The following XYLB variants were observed in gnomAD, a reference collection of about 807,000 sequenced individuals.
XYLB encodes the protein xylulose kinase.
In XYLB, 62 loss-of-function variants were observed where a neutral mutation model predicts 78.7. The observed-to-expected ratio is 0.79, with a 90% CI of 0.64 to 0.97. The LOEUF (loss-of-function observed/expected upper bound fraction) is 0.97, where lower values mean the gene tolerates loss of function less well. XYLB is among the 50% of genes least tolerant of loss of function. The pLI is 0.00. For synonymous variants in XYLB, 245 were observed against 247.4 expected (o/e 0.99, Z 0.09); for missense variants, 687 against 676.8 (o/e 1.02, Z -0.17).
In XYLB at chr3:38,360,509, T is replaced by C. The variant is rs536744168; in HGVS notation, c.210+101T>C. On this transcript the variant is annotated intron_variant, in intron 3 of 18. Transcript: ENST00000207870. ...CCAAAGGTGGCAGCCAATGAGAGCA[T>C]CTGTTGTCACCAGGTCCTCATGGGA... is the stretch of plus-strand genomic sequence containing the variant. 2.2e-4 allele frequency: 236 copies of C among 1,068,608 alleles called. 1 individual carries two copies. The highest frequency in any genetic ancestry group is 2.9e-4 in the Non-Finnish European group (212 of 730,506). 66.2% of individuals were successfully genotyped at this position (1,068,608 alleles called of 1,614,324 possible).
chr3:38,376,210 G>C lies in XYLB; in HGVS notation c.1098G>C (p.Glu366Asp). The change falls in exon 13 of 19, where the codon GAG becomes GAC. Residue 366 changes from glutamate (E) to aspartate (D), a missense_variant. By Grantham distance (45) the Glu-to-Asp change is conservative. Coordinates refer to ENST00000207870, the MANE Select transcript of XYLB (RefSeq NM_005108.4). ...TCTCTAAGGCACTGCAGTCCACAGA[G>C]ATGGGCAACGGTGGAAACCTGGGTA... is the stretch of plus-strand genomic sequence containing the variant. Reference protein sequence around the residue: ...SDFSKALQSTEMGNGGNLGFY... With the variant: ...SDFSKALQSTDMGNGGNLGFY... 1.2e-6 allele frequency: 2 copies of C among 1,613,702 alleles called. No homozygotes were observed. Among genetic ancestry groups the C allele is most frequent in the Non-Finnish European group, 1.7e-6 (2 of 1,179,558 alleles).
chr3:38,373,471 A>T, intron 10 of XYLB, among the ~76,000 whole-genome samples: 1 of 152,212 alleles, frequency 6.6e-6, no homozygotes, highest in South Asian at 2.1e-4. Flanking sequence ...ATAAATAAGC[A>T]TTGTTTCTTT....
the XYLB span, among the ~76,000 whole-genome samples, chr3:38,438,893 C>G: frequency 2.0e-5 from 3 of 152,158 alleles, no homozygotes; most frequent in South Asian, 6.2e-4. Context: ...TTTTACAAAC[C>G]TCTAGCTAGC....
At chr3:38,396,351 A>C (rs897849176) in intron 16 of XYLB, among the ~76,000 whole-genome samples, 1 of 152,204 alleles carries the variant, frequency 6.6e-6, no homozygotes, top group Non-Finnish European at 1.5e-5. Context: ...AACATGAATT[A>C]TACCACAGAG....
chr3:38,379,975 C>G (rs1707068660), intron 15 of XYLB, among the ~76,000 whole-genome samples: 1 of 152,182 alleles, frequency 6.6e-6, no homozygotes. Flanking sequence ...GTAGGGCTCT[C>G]TGCAGAGTCC....
At chr3:38,433,044 C>T in the XYLB span, among the ~76,000 whole-genome samples, 1 of 152,244 alleles carries the variant, frequency 6.6e-6, no homozygotes, top group Non-Finnish European at 1.5e-5. Flanking sequence ...GGGCTCCGTC[C>T]CCCAGCAAAC....
chr3:38,380,335 A>C (rs1707087621), intron 15 of XYLB, among the ~76,000 whole-genome samples: 1 of 152,194 alleles, frequency 6.6e-6, no homozygotes, highest in South Asian at 2.1e-4. Context: ...TAGAATAATC[A>C]GCATTAGGAT....
intron 14 of XYLB, among the ~76,000 whole-genome samples, chr3:38,377,538 C>T (rs553262801): frequency 3.3e-5 from 5 of 151,584 alleles, no homozygotes; most frequent in East Asian, 1.9e-4. Flanking sequence ...ACCCCCACCT[C>T]GTGGGTTCAA....
the XYLB span, among the ~76,000 whole-genome samples, chr3:38,441,948 T>C: frequency 6.6e-6 from 1 of 152,186 alleles, no homozygotes; most frequent in African/African-American, 2.4e-5. Flanking sequence ...TACTAGGGCC[T>C]GCTTTAAGGT....
chr3:38,432,182 C>T, the XYLB span, among the ~76,000 whole-genome samples: 1 of 152,234 alleles, frequency 6.6e-6, no homozygotes, highest in African/African-American at 2.4e-5. Flanking sequence ...AAAGTCTGAA[C>T]TTAATTTCAG....
chr3:38,403,519 G>A (rs572568942), intron 18 of XYLB, among the ~76,000 whole-genome samples: 6 of 152,174 alleles, frequency 3.9e-5, no homozygotes, highest in South Asian at 2.1e-4. Context: ...AGCTGTATTC[G>A]AAGGCAGGGA....
rs539996496 is a variant in XYLB at position 38,368,401 on chromosome 3, T to C, written c.646+144T>C. ...TGCCAGGAAGGAAGTGTATTCATTA[T>C]CTTTTACCACATAACAAATGACCCC... On this transcript the variant is annotated intron_variant, in intron 8 of 18. Coordinates refer to ENST00000207870, the MANE Select transcript of XYLB (RefSeq NM_005108.4). The C allele has an allele frequency of 5.6e-6, 4 of 715,570 alleles. No individual in the cohort carries two copies. The East Asian group carries it at 1.0e-4, about 18-fold the overall frequency. 44.3% of individuals were successfully genotyped at this position (715,570 alleles called of 1,614,324 possible).
intron 17 of XYLB, among the ~76,000 whole-genome samples, chr3:38,398,736 A>T (rs1707995501): frequency 6.9e-6 from 1 of 145,062 alleles, no homozygotes; most frequent in African/African-American, 2.6e-5. Flanking sequence ...TAACTTCCTG[A>T]CATTTCGGTT....
rs944558481 is a variant in XYLB, at chr3:38,380,816, T to C, written c.1291+1474T>C. On this transcript the variant is annotated intron_variant, in intron 15 of 18. Transcript: ENST00000207870. ...AATAGTAGACAGAAAAAATGCATTG[T>C]GGTGCATTTGTACAACAGGATACTA... Among the ~76,000 whole-genome samples the C allele has an allele frequency of 4.6e-5, 7 of 152,348 alleles. No homozygotes were observed. The East Asian group carries it at 1.2e-3, about 25-fold the overall frequency.
chr3:38,374,908 T>C (rs1706768564), intron 11 of XYLB, among the ~76,000 whole-genome samples: 2 of 152,114 alleles, frequency 1.3e-5, no homozygotes, highest in Non-Finnish European at 1.5e-5. Flanking sequence ...ATTATTTAGA[T>C]GCAGTTGTGG....
chr3:38,436,659 A>G, the XYLB span, among the ~76,000 whole-genome samples: 12 of 152,186 alleles, frequency 7.9e-5, no homozygotes, highest in Non-Finnish European at 1.8e-4. Context: ...CATTAATACA[A>G]CATTCCTCAA....
At chr3:38,432,562 T>A in the XYLB span, among the ~76,000 whole-genome samples, 1 of 150,622 alleles carries the variant, frequency 6.6e-6, no homozygotes, top group Non-Finnish European at 1.5e-5. Flanking sequence ...CTAGACTCCG[T>A]CAAAAAAAAA....
downstream of XYLB, among the ~76,000 whole-genome samples, chr3:38,419,777 G>A (rs1708918948): frequency 6.6e-6 from 1 of 151,134 alleles, no homozygotes; most frequent in Non-Finnish European, 1.5e-5. Context: ...TTGCTAGCAT[G>A]TAGAGATAGT....
downstream of XYLB, among the ~76,000 whole-genome samples, chr3:38,424,881 G>T (rs908846648): frequency 2.0e-5 from 3 of 152,192 alleles, no homozygotes; most frequent in African/African-American, 7.2e-5. Context: ...ACCTTTGACT[G>T]CAGGAAATCA....
Sources: allele counts gnomAD v4.1 joint callset (sites outside exome capture counted in the v4.1 genomes callset), GRCh38; gene constraint gnomAD v4.1.1; transcripts MANE v1.5; gene names NCBI Gene and HGNC (gene_info 2026-07-23, HGNC 2026-07-21).